SEMA6D: variants seen among roughly 807,000 people sequenced by gnomAD.
The protein encoded by SEMA6D is semaphorin-6D.
Under a neutral mutation model 106.6 loss-of-function variants are expected in SEMA6D, and 35 were observed. The ratio of observed to expected loss-of-function variants is 0.33; its 90% CI spans 0.25 to 0.44. SEMA6D has a LOEUF of 0.44. SEMA6D is among the 20% of genes least tolerant of loss of function. The pLI, the probability that SEMA6D is intolerant of heterozygous loss-of-function variation, is 1.00. For missense variants in SEMA6D, 1,185 were observed against 1,345.9 expected (o/e 0.88, Z 1.87); for synonymous variants, 499 against 487.7 (o/e 1.02, Z -0.31).
At chr15:47,615,642 T>C (rs528222445) in intron 4 of SEMA6D, among the ~76,000 whole-genome samples, 2 of 152,346 alleles carry the variant, frequency 1.3e-5, no homozygotes, top group East Asian at 3.9e-4. Context: ...TCACGAATTC[T>C]AATGTATTTG....
chr15:47,652,052 T>C (rs1453412095), intron 4 of SEMA6D, among the ~76,000 whole-genome samples: 1 of 152,206 alleles, frequency 6.6e-6, no homozygotes, highest in Non-Finnish European at 1.5e-5. Context: ...ATAAGCTTAT[T>C]TTCTGAATCA....
chr15:47,227,009 C>T (rs1019885571), intron 1 of SEMA6D, among the ~76,000 whole-genome samples: 1 of 151,998 alleles, frequency 6.6e-6, no homozygotes, highest in African/African-American at 2.4e-5. Context: ...CAAGCTTTTC[C>T]TCCAAGCTCC....
At chr15:47,383,880 T>C (rs560892190) in intron 1 of SEMA6D, among the ~76,000 whole-genome samples, 7 of 152,312 alleles carry the variant, frequency 4.6e-5, no homozygotes, top group African/African-American at 1.4e-4. Context: ...CAATTGTTCA[T>C]TGTTCTCAAA....
chr15:47,301,619 A>G (rs2036022972), intron 1 of SEMA6D, among the ~76,000 whole-genome samples: 1 of 152,206 alleles, frequency 6.6e-6, no homozygotes, highest in African/African-American at 2.4e-5. Context: ...TGCTGCCTTT[A>G]GCAGGAAGCA....
chr15:47,726,520 A>C (rs1394809892), intron 1 of SEMA6D, among the ~76,000 whole-genome samples: 1 of 152,234 alleles, frequency 6.6e-6, no homozygotes, highest in Non-Finnish European at 1.5e-5. Flanking sequence ...CATGATAGGC[A>C]GTGTGAGTAA....
chr15:47,241,560 T>C (rs1315042895), intron 1 of SEMA6D, among the ~76,000 whole-genome samples: 1 of 151,988 alleles, frequency 6.6e-6, no homozygotes, highest in African/African-American at 2.4e-5. Flanking sequence ...TGGTTCCAAA[T>C]ACATTCTAAG....
chr15:47,422,385 A>G (rs1487055225), intron 2 of SEMA6D, among the ~76,000 whole-genome samples: 2 of 152,016 alleles, frequency 1.3e-5, no homozygotes, highest in Admixed American at 6.6e-5. Flanking sequence ...TTCCAAGCTC[A>G]GTTTCTTGAT....
intron 3 of SEMA6D, among the ~76,000 whole-genome samples, chr15:47,561,888 A>G (rs1040807219): frequency 6.6e-6 from 1 of 151,980 alleles, no homozygotes; most frequent in Non-Finnish European, 1.5e-5. Flanking sequence ...GTATTTTTCT[A>G]AACTATATGG....
chr15:47,698,778 TG>T (rs2078751168), intron 4 of SEMA6D, among the ~76,000 whole-genome samples: 1 of 152,144 alleles, frequency 6.6e-6, no homozygotes, highest in African/African-American at 2.4e-5. Context: ...ACAGCATCTT[TG>T]TCAATGCAAC....
chr15:47,675,032 T>C (rs1477811835), intron 4 of SEMA6D, among the ~76,000 whole-genome samples: 1 of 152,224 alleles, frequency 6.6e-6, no homozygotes, highest in Non-Finnish European at 1.5e-5. Flanking sequence ...CATAACAGCA[T>C]ATCAGCAATG....
In SEMA6D at chr15:47,726,378, A is replaced by C. The variant is rs1045979438; in HGVS notation, c.-55+8686A>C. Among the ~76,000 whole-genome samples the C allele has an allele frequency of 7.9e-5, 12 of 152,380 alleles. No individual in the cohort carries two copies. The East Asian group carries it at 2.3e-3, about 29-fold the overall frequency. ...AGAACATGTATTAAATCATTTGATC[A>C]GCATTCTTTGACGTGAGTAACATTA... On this transcript the variant is annotated intron_variant, in intron 1 of 18. Transcript: ENST00000536845.
intron 1 of SEMA6D, among the ~76,000 whole-genome samples, chr15:47,275,499 CT>C (rs1213852068): frequency 2.0e-5 from 3 of 152,076 alleles, no homozygotes; most frequent in Admixed American, 6.6e-5. Flanking sequence ...ATGTTTTATT[CT>C]TTTTCATTAT....
intron 1 of SEMA6D, among the ~76,000 whole-genome samples, chr15:47,215,728 G>A (rs1442221552): frequency 6.6e-6 from 1 of 152,094 alleles, no homozygotes; most frequent in East Asian, 1.9e-4. Flanking sequence ...ACTTTTGGAT[G>A]TTATTCTTTA....
rs540811799 is a variant in SEMA6D, at chr15:47,397,495, T to A, written c.-238-14898T>A. 5.3e-5 allele frequency: 8 copies of A among 152,166 alleles called. No homozygotes were observed. The South Asian group carries it at 1.7e-3, about 32-fold the overall frequency. The allele number at this position is 152,166 out of a possible 1,614,324, so 9.4% of individuals were successfully genotyped here. A position where few individuals can be genotyped will look rare whatever the true frequency, so the allele number is the denominator to read the frequency against. On this transcript the variant is annotated intron_variant, in intron 1 of 19. Coordinates refer to the SEMA6D transcript ENST00000558014. ...AGTGTTCAAGAAAGGAATAAAGGTG[T>A]AAGCAACTAGTTATTCAAGAGTCTT...
At chr15:47,660,164 T>C (rs1410689950) in intron 4 of SEMA6D, among the ~76,000 whole-genome samples, 1 of 150,042 alleles carries the variant, frequency 6.7e-6, no homozygotes, top group African/African-American at 2.4e-5. Context: ...CTGCCTTAGA[T>C]ATGTACTACA....
At chr15:47,355,981 AG>A (rs1166972708) in intron 1 of SEMA6D, among the ~76,000 whole-genome samples, 34 of 152,254 alleles carry the variant, frequency 2.2e-4, no homozygotes, top group Admixed American at 2.1e-3. Flanking sequence ...GTGAGCTCTG[AG>A]AATTTCAGAG....
chr15:47,361,837 C>T (rs1028691128), intron 1 of SEMA6D, among the ~76,000 whole-genome samples: 3 of 152,162 alleles, frequency 2.0e-5, no homozygotes, highest in African/African-American at 7.2e-5. Flanking sequence ...TAAAAAGTTG[C>T]AGCAGCTCCA....
intron 1 of SEMA6D, among the ~76,000 whole-genome samples, chr15:47,734,143 T>A (rs1160982392): frequency 6.6e-6 from 1 of 152,232 alleles, no homozygotes; most frequent in Non-Finnish European, 1.5e-5. Flanking sequence ...TCATAGTAAC[T>A]TTCTGGATTA....
intron 1 of SEMA6D, among the ~76,000 whole-genome samples, chr15:47,276,190 TA>T (rs1450186480): frequency 6.6e-6 from 1 of 152,082 alleles, no homozygotes; most frequent in Non-Finnish European, 1.5e-5. Context: ...CTCCATAACA[TA>T]AAATGTCAAA....
Sources: gnomAD v4.1 joint callset for allele counts (sites outside exome capture counted in the v4.1 genomes callset) on GRCh38, gnomAD v4.1.1 for gene constraint, MANE v1.5 for transcripts, NCBI Gene and HGNC (gene_info 2026-07-23, HGNC 2026-07-21) for gene names.